Variants in TMX3 observed in about 807,000 individuals in gnomAD.
TMX3 encodes protein disulfide-isomerase TMX3.
A neutral mutation model predicts 64.4 loss-of-function variants in TMX3; 40 were observed. The observed-to-expected ratio is 0.62, with a 90% CI of 0.48 to 0.81. TMX3 has a LOEUF of 0.81. TMX3 is among the 30% of genes least tolerant of loss of function. The pLI, the probability that TMX3 is intolerant of heterozygous loss-of-function variation, is 0.00. For synonymous variants in TMX3, 189 were observed against 175.7 expected, an observed-to-expected ratio of 1.08 and a Z score of -0.60; for missense variants, 497 against 534.5, an observed-to-expected ratio of 0.93 and a Z score of 0.69.
chr18:68,676,711 A>AT lies in TMX3; in HGVS notation c.*221dup. On this transcript the variant is annotated 3_prime_UTR_variant, in exon 16 of 16. Transcript: ENST00000299608. Reference sequence around the variant, plus strand: ...TGTTCTAATCACAAAGATCAGGTAAATTTTGATGGAGTGCTCTGTGTTTGT... The same window carrying AT: ...TGTTCTAATCACAAAGATCAGGTAAATTTTTGATGGAGTGCTCTGTGTTTGT... The AT allele has an allele frequency of 3.6e-6, 2 of 557,470 alleles. No individual in the cohort carries two copies. The highest frequency in any genetic ancestry group is 6.3e-6 in the Non-Finnish European group (2 of 319,304). 34.5% of individuals were successfully genotyped at this position (557,470 alleles called of 1,614,324 possible). A position where few individuals can be genotyped will look rare whatever the true frequency, so the allele number is the denominator to read the frequency against.
At chr18:68,679,945 T>A (rs1312737351) in intron 14 of TMX3, among the ~76,000 whole-genome samples, 2 of 152,176 alleles carry the variant, frequency 1.3e-5, no homozygotes, top group African/African-American at 2.4e-5. Context: ...AAATTCCTGA[T>A]GAAAATCACT....
chr18:68,691,453 C>A, intron 8 of TMX3, 92 bp from the exon 9 acceptor site: 1 of 737,764 alleles, frequency 1.4e-6, no homozygotes, highest in South Asian at 2.8e-5. Context: ...CCAGAAAACT[C>A]AAACACACAT....
rs542095632 is a variant in TMX3, at chr18:68,683,849, A to T, written c.848+341T>A. On this transcript the variant is annotated intron_variant, in intron 12 of 15. Transcript: ENST00000299608. ...AATGAAAAATTCCAAAAATAAACAT[A>T]TACATAATTTTTACTATACTGTATT... Among the ~76,000 whole-genome samples the T allele has an allele frequency of 3.3e-5, 5 of 152,292 alleles. No homozygotes were observed. In the South Asian group the frequency reaches 1.0e-3, roughly 32 times the overall value.
At chr18:68,713,781 C>A (rs1297459739) in intron 2 of TMX3, 65 bp downstream of exon 2, 9 of 804,934 alleles carry the variant, frequency 1.1e-5, no homozygotes, top group Non-Finnish European at 1.6e-5. Context: ...GAATCACATG[C>A]AAATATTCAG....
At chr18:68,683,430 T>G (rs1913636919) in intron 12 of TMX3, among the ~76,000 whole-genome samples, 2 of 152,160 alleles carry the variant, frequency 1.3e-5, no homozygotes, top group Admixed American at 1.3e-4. Flanking sequence ...TTATATTGAC[T>G]GTCTTTTTTT....
chr18:68,703,296 G>A (rs907889735), intron 4 of TMX3, among the ~76,000 whole-genome samples: 3 of 152,082 alleles, frequency 2.0e-5, no homozygotes, highest in Non-Finnish European at 2.9e-5. Context: ...ATAATTGATT[G>A]GGGGACAAAG....
intron 6 of TMX3, 85 bp from the exon 7 acceptor site, chr18:68,698,116 CAA>C: frequency 1.2e-6 from 1 of 848,196 alleles, no homozygotes; most frequent in South Asian, 1.6e-5. Context: ...AATCATGTCT[CAA>C]GTTATTAAGT....
rs1295086176 is a variant in TMX3 at position 68,707,999 on chromosome 18, A to ATATATATGTGTATATGTG, written c.265+2004_265+2021dup. ...TATATGTGTATGTGTATATATGTGT[A>ATATATATGTGTATATGTG]TATATATGTGTATATGTGTATATAT... On this transcript the variant is annotated intron_variant, in intron 4 of 15. Coordinates refer to ENST00000299608, the MANE Select transcript of TMX3 (RefSeq NM_019022.5). Among the ~76,000 whole-genome samples, 417 of 145,962 alleles carry ATATATATGTGTATATGTG rather than the reference A, an allele frequency of 2.9e-3. 2 individuals carry two copies. The highest frequency in any genetic ancestry group is 0.011 in the African/African-American group (390 of 36,554).
chr18:68,687,510 T>C (rs1914080175), intron 10 of TMX3, 157 bp downstream of exon 10: 4 of 985,312 alleles, frequency 4.1e-6, no homozygotes, highest in Non-Finnish European at 4.8e-6. Context: ...CTTCTGGTAA[T>C]ATCAGTTTAC....
rs140503965 is a variant in TMX3 at position 68,681,650 on chromosome 18, C to T, written c.906-540G>A. 1.6e-4 allele frequency: 153 copies of T among 985,056 alleles called. 4 individuals are homozygous for T. In the East Asian group the frequency reaches 9.3e-3, roughly 60 times the overall value. The allele number at this position is 985,056 out of a possible 1,614,324, so 61.0% of individuals were successfully genotyped here. A position where few individuals can be genotyped will look rare whatever the true frequency, so the allele number is the denominator to read the frequency against. ...GATTTGTTAAGTTCACTCCCTTCCT[C>T]GCTCAGTGTTCTTACTTAGAAAATA... On this transcript the variant is annotated intron_variant, in intron 13 of 15. Coordinates refer to ENST00000299608, the MANE Select transcript of TMX3 (RefSeq NM_019022.5).
chr18:68,713,929 T>C (rs770546627), intron 1 of TMX3, 29 bp from the exon 2 acceptor site: 5 of 1,486,826 alleles, frequency 3.4e-6, no homozygotes, highest in East Asian at 4.6e-5. Flanking sequence ...ATGTACACAA[T>C]AAATGCTGAT....
chr18:68,680,555 C>T (rs1484894781), intron 14 of TMX3, among the ~76,000 whole-genome samples: 1 of 152,152 alleles, frequency 6.6e-6, no homozygotes, highest in Non-Finnish European at 1.5e-5. Context: ...ATCTTATTTG[C>T]AGATTTTCTT....
At chr18:68,683,296 C>CT (rs1555685632) in intron 12 of TMX3, among the ~76,000 whole-genome samples, 1 of 151,884 alleles carries the variant, frequency 6.6e-6, no homozygotes, top group Non-Finnish European at 1.5e-5. Flanking sequence ...AAGAAAAATT[C>CT]CTATTTTCTC....
chr18:68,684,457 A>G lies in TMX3; in HGVS notation c.765T>C (p.Asp255=). The G allele has an allele frequency of 6.2e-7, 1 of 1,612,978 alleles. No homozygotes were observed. Among genetic ancestry groups the G allele is most frequent in the East Asian group, 2.2e-5 (1 of 44,772 alleles). Residue 255 remains aspartate (D), a synonymous_variant, in exon 11 of 16, where the codon GAT becomes GAC. Coordinates refer to ENST00000299608, the MANE Select transcript of TMX3 (RefSeq NM_019022.5). ...TATGTTCAACTGATGTATTTTTCTC[A>G]TCAATAACTGCAAGAGCCACAAGCT... The part of the protein sequence containing the change: ...TGKLVALAVI[D]EKNTSVEHTR...
chr18:68,700,580 A>C, intron 5 of TMX3, 95 bp from the exon 6 acceptor site: 1 of 1,022,784 alleles, frequency 9.8e-7, no homozygotes, highest in Non-Finnish European at 1.3e-6. Context: ...ATTATATTAC[A>C]TAAAATAGTA....
chr18:68,702,709 G>C (rs1490052191), intron 4 of TMX3, among the ~76,000 whole-genome samples: 2 of 152,062 alleles, frequency 1.3e-5, no homozygotes, highest in Non-Finnish European at 2.9e-5. Context: ...AGGGTATTTT[G>C]TTATCACACT....
At chr18:68,699,530 G>T (rs410201) in intron 6 of TMX3, among the ~76,000 whole-genome samples, 31,075 of 152,022 alleles carry the variant, frequency 0.2, 5,119 homozygotes, top group African/African-American at 0.46. Context: ...CCTCTGAATT[G>T]TCTCAAATAA....
At position 68,701,808 on chromosome 18, in the gene TMX3, TA is replaced by T. The variant is rs2030107685; in HGVS notation, c.266-19del. On this transcript the variant is annotated intron_variant, in intron 4 of 15. Coordinates refer to ENST00000299608, the MANE Select transcript of TMX3 (RefSeq NM_019022.5). ...AGCAATGCCTTGATAAGAAAAAGAA[TA>T]AAGCATTCTAAATTTTTTTTAAATA... The T allele has an allele frequency of 6.2e-7, 1 of 1,600,950 alleles. No homozygotes were observed.
At chr18:68,682,283 A>G (rs1913512441) in intron 13 of TMX3, among the ~76,000 whole-genome samples, 1 of 152,194 alleles carries the variant, frequency 6.6e-6, no homozygotes, top group Non-Finnish European at 1.5e-5. Flanking sequence ...CTTGTTTCAC[A>G]TTTATTAATT....
Sources: gnomAD v4.1 joint callset for allele counts (sites outside exome capture counted in the v4.1 genomes callset) on GRCh38, gnomAD v4.1.1 for gene constraint, MANE v1.5 for transcripts, NCBI Gene and HGNC (gene_info 2026-07-23, HGNC 2026-07-21) for gene names.